Variants in GOT2 observed in about 807,000 individuals in gnomAD.
GOT2 encodes glutamic-oxaloacetic transaminase 2.
A neutral mutation model predicts 50.0 loss-of-function variants in GOT2; 17 were observed. The ratio of observed to expected loss-of-function variants is 0.34; its 90% CI spans 0.23 to 0.51. The LOEUF is 0.51. GOT2 is among the 20% of genes least tolerant of loss of function. The pLI, the probability that GOT2 is intolerant of heterozygous loss-of-function variation, is 0.97. For synonymous variants in GOT2, 172 were observed against 204.9 expected (o/e 0.84, Z 1.37); for missense variants, 430 against 559.6 (o/e 0.77, Z 2.34).
At chr16:58,716,582 A>C (rs934059598) in intron 7 of GOT2, 81 bp downstream of exon 7, 2 of 1,202,678 alleles carry the variant, frequency 1.7e-6, no homozygotes, top group African/African-American at 1.5e-5. Context: ...ACACACACAC[A>C]CACACACCCA....
intron 1 of GOT2, chr16:58,733,815 T>G (rs1006505104): frequency 6.9e-6 from 2 of 291,354 alleles, no homozygotes; most frequent in African/African-American, 4.3e-5. Flanking sequence ...GCCCCAGTAC[T>G]ATCCGCACCC....
In GOT2 at chr16:58,718,614, C is replaced by T; in HGVS notation, c.510G>A (p.Arg170=). 1 of 1,611,196 alleles carries T rather than the reference C, an allele frequency of 6.2e-7. No homozygotes were observed. The highest frequency in any genetic ancestry group is 8.5e-7 in the Non-Finnish European group (1 of 1,178,390). ...PTWGNHTPIF[R]DAGMQLQGYR... is the part of the protein sequence containing the mutation. ...AACCTTGTAGCTGCATGCCAGCATC[C>T]CTGAAGATGGGTGTGTGGTTTCCCC... The change falls in exon 5 of 10, where the codon AGG becomes AGA. Residue 170 remains arginine, a synonymous_variant. Coordinates refer to ENST00000245206, the MANE Select transcript of GOT2 (RefSeq NM_002080.4).
chr16:58,723,985 G>T, intron 1 of GOT2, 83 bp from the exon 2 acceptor site: 1 of 1,275,804 alleles, frequency 7.8e-7, no homozygotes. Flanking sequence ...ATAGACTCTT[G>T]CTCTGTTGCC....
In GOT2 at chr16:58,719,237, T is replaced by C. The variant is rs1345084332; in HGVS notation, c.394A>G (p.Ile132Val). The change falls in exon 4 of 10, where the codon ATT becomes GTT. Residue 132 changes from isoleucine to valine, a missense_variant. Ile to Val is a conservative substitution (Grantham distance 29). Coordinates refer to ENST00000245206, the MANE Select transcript of GOT2 (RefSeq NM_002080.4). Reference sequence around the variant, plus strand: ...ATCCTTAAGGCTCCAGTTCCAGAAATGGTCTGCACAGTGACAAACTGAAGG... The same window carrying C: ...ATCCTTAAGGCTCCAGTTCCAGAAACGGTCTGCACAGTGACAAACTGAAGG... Reference protein sequence around the residue: ...KSGRFVTVQTISGTGALRIGA... With the variant: ...KSGRFVTVQTVSGTGALRIGA... 3 of 1,613,164 alleles carry C rather than the reference T, an allele frequency of 1.9e-6. No homozygotes were observed. The highest frequency in any genetic ancestry group is 1.7e-5 in the Admixed American group (1 of 59,984).
chr16:58,715,753 T>C lies in GOT2; in HGVS notation c.1019+261A>G, dbSNP rs564209169. ...TTTCAGTAGAGACGGGGTTTCTCCA[T>C]GTTGGTCAGGCTGGTCTCGAACTCC... On this transcript the variant is annotated intron_variant, in intron 8 of 9. Transcript: ENST00000245206. 4.5e-3 allele frequency among the ~76,000 whole-genome samples: 680 copies of C among 152,268 alleles called. 1 individual carries two copies. Among genetic ancestry groups the C allele is most frequent in the Middle Eastern group, 6.8e-3 (2 of 292 alleles).
chr16:58,717,242 G>A (rs920020469), intron 6 of GOT2, among the ~76,000 whole-genome samples: 4 of 152,108 alleles, frequency 2.6e-5, no homozygotes, highest in Non-Finnish European at 5.9e-5. Context: ...AGGCAGGTGT[G>A]GCACACATGT....
At chr16:58,731,841 T>G (rs1567491978) in intron 1 of GOT2, among the ~76,000 whole-genome samples, 1 of 152,224 alleles carries the variant, frequency 6.6e-6, no homozygotes, top group Non-Finnish European at 1.5e-5. Context: ...TGTCGATGAA[T>G]TCAGTTTAAG....
Position 58,716,035 on chromosome 16 carries a change from G to T in GOT2, c.998C>A (p.Thr333Asn), listed in dbSNP as rs1249620765. 6.2e-7 allele frequency: 1 copy of T among 1,612,948 alleles called. No individual in the cohort carries two copies. Among genetic ancestry groups the T allele is most frequent in the Non-Finnish European group, 8.5e-7 (1 of 1,179,720 alleles). Residue 333 changes from threonine to asparagine, a missense_variant, in exon 8 of 10, where the codon ACC becomes AAC. By Grantham distance (65) the Thr-to-Asn change is moderately conservative (BLOSUM62 0). Transcript: ENST00000245206. ...GARIAAAILNTPDLRKQWLQE... is the reference protein window; with the variant it reads ...GARIAAAILNNPDLRKQWLQE... ...TTACCATTGTTTTCGCAAATCTGGG[G>T]TGTTCAGAATGGCAGCAGCAATCCG...
At chr16:58,724,259 T>C (rs1450150194) in intron 1 of GOT2, among the ~76,000 whole-genome samples, 2 of 151,420 alleles carry the variant, frequency 1.3e-5, no homozygotes, top group African/African-American at 2.4e-5. Context: ...TTGTGTTAAA[T>C]AAAATTGAAT....
chr16:58,733,807 C>T (rs1382964433), intron 1 of GOT2: 3 of 274,654 alleles, frequency 1.1e-5, no homozygotes, highest in Non-Finnish European at 2.0e-5. Flanking sequence ...GCGCCGCTGC[C>T]CCAGTACTAT....
intron 8 of GOT2, among the ~76,000 whole-genome samples, chr16:58,715,772 G>A (rs545638664): frequency 8.5e-5 from 13 of 152,168 alleles, no homozygotes; most frequent in Admixed American, 5.2e-4. Context: ...GGCTGGTCTC[G>A]AACTCCCGAC....
chr16:58,712,598 G>C (rs996160463), intron 8 of GOT2, among the ~76,000 whole-genome samples: 15 of 152,156 alleles, frequency 9.9e-5, no homozygotes, highest in African/African-American at 3.6e-4. Flanking sequence ...TAACCACCCT[G>C]AGGGTAGTCA....
chr16:58,722,050 G>A, intron 3 of GOT2, 100 bp downstream of exon 3: 1 of 1,335,224 alleles, frequency 7.5e-7, no homozygotes, highest in South Asian at 1.3e-5. Flanking sequence ...AAAGTGGTGG[G>A]ATTACAGGCG....
chr16:58,734,174 G>C lies in GOT2; in HGVS notation c.55C>G (p.Pro19Ala). The change falls in exon 1 of 10, where the codon CCG (proline) becomes GCG (alanine). Residue 19 changes from proline (P) to alanine (A), a missense_variant. Physicochemically the swap from Pro to Ala is conservative, Grantham distance 27. Coordinates refer to ENST00000245206, the MANE Select transcript of GOT2 (RefSeq NM_002080.4). The part of the protein sequence containing the change: ...VLPGIAAAFH[P>A]GLAAAASARA... ...GCAGAGGCCGCGGCGGCGAGGCCCG[G>C]GTGGAAGGCGGCGGCGATCCCGGGG... is the stretch of plus-strand genomic sequence containing the variant. The C allele has an allele frequency of 2.2e-6, 3 of 1,333,950 alleles. No homozygotes were observed. Among genetic ancestry groups the C allele is most frequent in the Non-Finnish European group, 2.9e-6 (3 of 1,036,534 alleles). The allele number at this position is 1,333,950 out of a possible 1,614,324, so 82.6% of individuals were successfully genotyped here.
At chr16:58,713,105 CAA>C (rs1597698141) in intron 8 of GOT2, among the ~76,000 whole-genome samples, 1 of 150,626 alleles carries the variant, frequency 6.6e-6, no homozygotes, top group Non-Finnish European at 1.5e-5. Context: ...GTCTCAAAAA[CAA>C]AAACACAAAA....
At chr16:58,718,416 A>G in intron 5 of GOT2, 111 bp downstream of exon 5, 1 of 1,333,020 alleles carries the variant, frequency 7.5e-7, no homozygotes, top group Non-Finnish European at 1.1e-6. Context: ...AACCCTGGGA[A>G]TCAGCTCTTC....
At position 58,723,743 on chromosome 16, in the gene GOT2, C is replaced by T. The variant is rs759931275; in HGVS notation, c.246+3G>A. The T allele has an allele frequency of 1.9e-6, 3 of 1,609,898 alleles. No individual in the cohort carries two copies. Among genetic ancestry groups the T allele is most frequent in the African/African-American group, 1.3e-5 (1 of 74,774 alleles). On this transcript the variant is annotated splice_donor_region_variant and intron_variant, in intron 2 of 9. Transcript: ENST00000245206. ...TTCAAAAGGAGATGAACAGCAAGCT[C>T]ACCTTGCGGACGCTAGGCAGAACGT...
At chr16:58,720,388 A>C (rs2044731883) in intron 3 of GOT2, among the ~76,000 whole-genome samples, 1 of 152,148 alleles carries the variant, frequency 6.6e-6, no homozygotes, top group Non-Finnish European at 1.5e-5. Context: ...GTTGTTTTTA[A>C]AGGTGTTGTA....
chr16:58,717,995 T>C (rs537245168), intron 6 of GOT2, among the ~76,000 whole-genome samples: 1 of 152,204 alleles, frequency 6.6e-6, no homozygotes, highest in Non-Finnish European at 1.5e-5. Flanking sequence ...CCAAAAAAAA[T>C]TACTTTCAAA....
Sources: allele counts gnomAD v4.1 joint callset (sites outside exome capture counted in the v4.1 genomes callset), GRCh38; gene constraint gnomAD v4.1.1; transcripts MANE v1.5; gene names NCBI Gene and HGNC (gene_info 2026-07-23, HGNC 2026-07-21).